Variants in TLL2 observed in about 807,000 individuals in gnomAD.
The protein encoded by TLL2 is tolloid like 2.
Under a neutral mutation model 123.0 loss-of-function variants are expected in TLL2, and 106 were observed. The ratio of observed to expected loss-of-function variants is 0.86; its 90% CI spans 0.74 to 1.01. The LOEUF is 1.01. Among genes scored for constraint, TLL2 ranks in the 50% least tolerant of loss-of-function variants. The probability of loss-of-function intolerance (pLI) is 0.00; values close to 1 mark genes in which losing one functional copy is unlikely to be tolerated. For synonymous variants in TLL2, 494 were observed against 516.8 expected (o/e 0.96, Z 0.60); for missense variants, 1,332 against 1,336.7 (o/e 1.00, Z 0.06).
In TLL2 at chr10:96,414,126, A is replaced by G. The variant is rs182890036; in HGVS notation, c.924-810T>C. ...GCTGAGCGCTGGCCCTGTTGTGGGC[A>G]TGGTTTACATCCCGCCTGCTGCCTT... On this transcript the variant is annotated intron_variant, in intron 7 of 20. Coordinates refer to ENST00000357947, the MANE Select transcript of TLL2 (RefSeq NM_012465.4). Among the ~76,000 whole-genome samples the G allele has an allele frequency of 1.1e-3, 167 of 152,242 alleles. 1 individual carries two copies. Among genetic ancestry groups the G allele is most frequent in the Middle Eastern group, 3.4e-3 (1 of 294 alleles).
chr10:96,428,191 T>A (rs1266875211), intron 5 of TLL2, among the ~76,000 whole-genome samples: 1 of 152,244 alleles, frequency 6.6e-6, no homozygotes, highest in Non-Finnish European at 1.5e-5. Flanking sequence ...CATAAGCCAG[T>A]CATTTTATTA....
chr10:96,424,594 G>A (rs1475457681), intron 5 of TLL2, among the ~76,000 whole-genome samples: 1 of 152,106 alleles, frequency 6.6e-6, no homozygotes, highest in East Asian at 1.9e-4. Flanking sequence ...TATTTTAAGC[G>A]ACATTTTTTT....
At chr10:96,505,290 C>A (rs1360658891) in intron 1 of TLL2, among the ~76,000 whole-genome samples, 1 of 152,166 alleles carries the variant, frequency 6.6e-6, no homozygotes, top group Non-Finnish European at 1.5e-5. Context: ...AAGGAAACCA[C>A]CCCCATGATC....
In TLL2 at chr10:96,422,637, C is replaced by T; in HGVS notation, c.729G>A (p.Glu243=). ...GCCAAAACCCAACCACATGGCCCAG[C>T]TCGTGAGCCACAATGCCAAACTTGT... The part of the protein sequence containing the change: ...NCDKFGIVAH[E]LGHVVGFWHE... The change falls in exon 6 of 21, where the codon GAG becomes GAA. Residue 243 remains glutamate, a synonymous_variant. Transcript: ENST00000357947. 6.2e-7 allele frequency: 1 copy of T among 1,614,216 alleles called. No homozygotes were observed. The highest frequency in any genetic ancestry group is 1.1e-5 in the South Asian group (1 of 91,082).
intron 6 of TLL2, 142 bp downstream of exon 6, chr10:96,422,407 G>T: frequency 2.0e-6 from 2 of 996,216 alleles, no homozygotes; most frequent in Non-Finnish European, 3.0e-6. Context: ...GGTGAGACGG[G>T]CCTGTACAAC....
In TLL2 at chr10:96,376,888, A is replaced by AG. The variant is rs1246990083; in HGVS notation, c.2321-70dup. 20 of 1,441,726 alleles carry AG rather than the reference A, an allele frequency of 1.4e-5. No homozygotes were observed. The Admixed American group carries it at 3.0e-4, about 22-fold the overall frequency. 89.3% of individuals were successfully genotyped at this position (1,441,726 alleles called of 1,614,324 possible). Reference sequence around the variant, plus strand: ...CTGTGGGCAGCACAAGAAGGATTCTAGGGGGGTCTCCTCCCCTCTCTCCTA... The same window carrying AG: ...CTGTGGGCAGCACAAGAAGGATTCTAGGGGGGGTCTCCTCCCCTCTCTCCTA... On this transcript the variant is annotated intron_variant, in intron 17 of 20. Coordinates refer to ENST00000357947, the MANE Select transcript of TLL2 (RefSeq NM_012465.4).
chr10:96,435,101 G>A (rs564999397), intron 3 of TLL2, among the ~76,000 whole-genome samples: 10 of 147,260 alleles, frequency 6.8e-5, no homozygotes, highest in East Asian at 6.0e-4. Context: ...GCACGATCTC[G>A]GCTCACTGCA....
intron 2 of TLL2, among the ~76,000 whole-genome samples, chr10:96,470,157 G>A (rs1170290868): frequency 6.6e-6 from 1 of 152,226 alleles, no homozygotes; most frequent in Non-Finnish European, 1.5e-5. Flanking sequence ...CATGGCTAAA[G>A]GGTCTCCTTT....
rs1294749324 is a variant in TLL2 at position 96,367,152 on chromosome 10, C to T, written c.*936G>A. 1 of 152,176 alleles carries T rather than the reference C, an allele frequency of 6.6e-6. No individual in the cohort carries two copies. Among genetic ancestry groups the T allele is most frequent in the African/African-American group, 2.4e-5 (1 of 41,434 alleles). 9.4% of individuals were successfully genotyped at this position (152,176 alleles called of 1,614,324 possible). On this transcript the variant is annotated 3_prime_UTR_variant, in exon 21 of 21. Transcript: ENST00000357947. ...ACCCCATAAGGGACCTGAATTGGTC[C>T]CTCATAAGAGGTCTTTGCACATTTT...
chr10:96,382,440 A>T (rs376410520), intron 16 of TLL2, among the ~76,000 whole-genome samples: 9 of 62,814 alleles, frequency 1.4e-4, no homozygotes, highest in Admixed American at 1.4e-3. Context: ...CCTGGTGACA[A>T]GAGCCCTAAT....
chr10:96,398,877 T>A (rs996118471), intron 10 of TLL2, among the ~76,000 whole-genome samples: 4 of 146,406 alleles, frequency 2.7e-5, no homozygotes, highest in Admixed American at 6.8e-5. Context: ...TCTTTTTTTT[T>A]TTTTTTTTTT....
intron 3 of TLL2, among the ~76,000 whole-genome samples, chr10:96,436,438 TG>T (rs1846795517): frequency 6.6e-6 from 1 of 152,236 alleles, no homozygotes; most frequent in Admixed American, 6.5e-5. Context: ...CAAAAATTTT[TG>T]GCTTCTTAAT....
At chr10:96,408,031 T>C (rs1317360115) in intron 9 of TLL2, among the ~76,000 whole-genome samples, 1 of 152,184 alleles carries the variant, frequency 6.6e-6, no homozygotes, top group East Asian at 1.9e-4. Context: ...TCAGATTCCC[T>C]GGGAGTGGGG....
Position 96,445,549 on chromosome 10 carries a change from C to T in TLL2, c.364+542G>A, listed in dbSNP as rs553264531. Reference sequence around the variant, plus strand: ...TAGTCTACACCTCCCCCACAATCCCCACTCCAGTTTTATTTTTCTTCTTTG... The same window carrying T: ...TAGTCTACACCTCCCCCACAATCCCTACTCCAGTTTTATTTTTCTTCTTTG... On this transcript the variant is annotated intron_variant, in intron 3 of 20. Transcript: ENST00000357947. Among the ~76,000 whole-genome samples the T allele has an allele frequency of 2.6e-4, 39 of 152,316 alleles. 2 individuals are homozygous for T. The South Asian group carries it at 8.1e-3, about 32-fold the overall frequency.
chr10:96,382,643 G>C (rs950890645), intron 16 of TLL2, among the ~76,000 whole-genome samples: 2 of 152,232 alleles, frequency 1.3e-5, no homozygotes, highest in African/African-American at 4.8e-5. Flanking sequence ...GTGGCGTCCT[G>C]ACAAAGGATG....
chr10:96,424,904 C>G (rs1172361762), intron 5 of TLL2, among the ~76,000 whole-genome samples: 2 of 151,832 alleles, frequency 1.3e-5, no homozygotes, highest in Non-Finnish European at 2.9e-5. Context: ...CCTTCCTATA[C>G]TCTTCGATTT....
intron 1 of TLL2, among the ~76,000 whole-genome samples, chr10:96,507,976 T>G (rs1847593179): frequency 6.6e-6 from 1 of 152,150 alleles, no homozygotes; most frequent in African/African-American, 2.4e-5. Flanking sequence ...CAAGTTAGAA[T>G]GGAAATAAAG....
chr10:96,509,261 G>A (rs1847604193), intron 1 of TLL2, among the ~76,000 whole-genome samples: 2 of 152,184 alleles, frequency 1.3e-5, no homozygotes, highest in Non-Finnish European at 2.9e-5. Flanking sequence ...CCCCTGCTGT[G>A]TCTTTTCTAC....
chr10:96,482,567 G>T (rs963617203), intron 1 of TLL2, among the ~76,000 whole-genome samples: 2 of 152,192 alleles, frequency 1.3e-5, no homozygotes, highest in African/African-American at 4.8e-5. Flanking sequence ...TGAAATAACT[G>T]TTGCCAAACA....
Sources: allele counts gnomAD v4.1 joint callset (sites outside exome capture counted in the v4.1 genomes callset), GRCh38; gene constraint gnomAD v4.1.1; transcripts MANE v1.5; gene names NCBI Gene and HGNC (gene_info 2026-07-23, HGNC 2026-07-21).